Variants in MICAL3 observed in about 807,000 individuals in gnomAD.
MICAL3 encodes the protein microtubule associated monooxygenase, calponin and LIM domain containing 3.
A neutral mutation model predicts 207.4 loss-of-function variants in MICAL3; 62 were observed. The ratio of observed to expected loss-of-function variants is 0.30; its 90% CI spans 0.24 to 0.37. The LOEUF (loss-of-function observed/expected upper bound fraction) is 0.37, where lower values mean the gene tolerates loss of function less well. MICAL3 is among the 10% of genes least tolerant of loss of function. The pLI, the probability that MICAL3 is intolerant of heterozygous loss-of-function variation, is 1.00. For synonymous variants in MICAL3, 1,077 were observed against 1,069.3 expected (o/e 1.01, Z -0.14); for missense variants, 2,368 against 2,635.6 (o/e 0.90, Z 2.22).
At chr22:17,847,071 G>A (rs1400549147) in intron 19 of MICAL3, among the ~76,000 whole-genome samples, 2 of 152,188 alleles carry the variant, frequency 1.3e-5, no homozygotes, top group Non-Finnish European at 2.9e-5. Flanking sequence ...GAGAGGCATC[G>A]GCGGGTGCAG....
chr22:17,826,724 A>G (rs1922227453), intron 22 of MICAL3, among the ~76,000 whole-genome samples: 1 of 152,170 alleles, frequency 6.6e-6, no homozygotes, highest in African/African-American at 2.4e-5. Context: ...GGGAAAACCC[A>G]AGGTAGGGCC....
At chr22:17,897,837 C>T (rs61088897) in intron 7 of MICAL3, among the ~76,000 whole-genome samples, 9,648 of 152,210 alleles carry the variant, frequency 0.063, 433 homozygotes, top group African/African-American at 0.13. Context: ...TTGAAAGCCT[C>T]CACAGAAACC....
At chr22:17,920,588 C>T (rs564358537) in intron 1 of MICAL3, among the ~76,000 whole-genome samples, 67 of 152,344 alleles carry the variant, frequency 4.4e-4, no homozygotes, top group African/African-American at 1.5e-3. Context: ...CCTCCAGTCT[C>T]TCAGCTGCAA....
intron 1 of MICAL3, among the ~76,000 whole-genome samples, chr22:17,990,323 T>C (rs373291877): frequency 2.0e-5 from 3 of 152,128 alleles, no homozygotes; most frequent in Non-Finnish European, 2.9e-5. Flanking sequence ...ACTCACTGGA[T>C]AGTCTGGACC....
chr22:17,879,816 A>T (rs1454631931), intron 16 of MICAL3, among the ~76,000 whole-genome samples: 10 of 152,248 alleles, frequency 6.6e-5, no homozygotes, highest in African/African-American at 2.2e-4. Flanking sequence ...TGGCTAGAAT[A>T]AATGACTAAG....
chr22:17,878,090 T>C (rs892634502), intron 16 of MICAL3, among the ~76,000 whole-genome samples: 7 of 152,194 alleles, frequency 4.6e-5, no homozygotes, highest in Non-Finnish European at 1.0e-4. Context: ...CCTGACCTCG[T>C]GATCTGCCTG....
intron 17 of MICAL3, among the ~76,000 whole-genome samples, chr22:17,866,241 A>C (rs184618581): frequency 6.6e-6 from 1 of 152,342 alleles, no homozygotes; most frequent in African/African-American, 2.4e-5. Flanking sequence ...TCCTTTGGGA[A>C]TGTGAAGGCC....
At chr22:17,842,204 G>A in intron 19 of MICAL3, 187 bp from the exon 20 acceptor site, 1 of 613,456 alleles carries the variant, frequency 1.6e-6, no homozygotes, top group Admixed American at 2.9e-5. Flanking sequence ...CACTCTGCAG[G>A]AGAAAGGAAG....
chr22:17,929,655 C>T (rs1198625811), intron 1 of MICAL3, among the ~76,000 whole-genome samples: 3 of 149,264 alleles, frequency 2.0e-5, no homozygotes, highest in African/African-American at 4.9e-5. Flanking sequence ...GCTACCTCCG[C>T]CTCCCGGGTT....
At chr22:18,010,366 G>C (rs895743955) in intron 1 of MICAL3, among the ~76,000 whole-genome samples, 7 of 152,086 alleles carry the variant, frequency 4.6e-5, no homozygotes, top group Admixed American at 3.3e-4. Context: ...GATGGGCAAG[G>C]CACTTGTCTG....
chr22:17,944,388 A>C (rs1351732557), intron 1 of MICAL3, among the ~76,000 whole-genome samples: 1 of 152,188 alleles, frequency 6.6e-6, no homozygotes. Flanking sequence ...CCAGGAGAGC[A>C]GGGGGTGAAG....
At chr22:17,971,434 C>T (rs1270977059) in intron 1 of MICAL3, among the ~76,000 whole-genome samples, 1 of 151,788 alleles carries the variant, frequency 6.6e-6, no homozygotes, top group Non-Finnish European at 1.5e-5. Context: ...AGTGAGCTAT[C>T]GCACCATTGC....
Position 17,884,143 on chromosome 22 carries a change from C to T in MICAL3, c.2241+1735G>A, listed in dbSNP as rs5992891. ...TCAATGTTTTCCCAGAGCTACTACT[C>T]GAATGAGCAGAGATTTCCTGCCCTC... On this transcript the variant is annotated intron_variant, in intron 16 of 31. Coordinates refer to ENST00000441493, the MANE Select transcript of MICAL3 (RefSeq NM_015241.3). 2,173 of 561,560 alleles carry T rather than the reference C, an allele frequency of 3.9e-3. 27 individuals are homozygous for T. The highest frequency in any genetic ancestry group is 0.032 in the African/African-American group (1,608 of 50,138). The allele number at this position is 561,560 out of a possible 1,614,324, so 34.8% of individuals were successfully genotyped here.
chr22:17,968,329 T>C (rs1366151784), intron 1 of MICAL3, among the ~76,000 whole-genome samples: 1 of 152,004 alleles, frequency 6.6e-6, no homozygotes, highest in East Asian at 1.9e-4. Context: ...AGACCCGCCC[T>C]ACTGAGGGGA....
intron 22 of MICAL3, 103 bp from the exon 23 acceptor site, chr22:17,823,163 T>TG: frequency 1.3e-6 from 1 of 766,058 alleles, no homozygotes; most frequent in Non-Finnish European, 2.2e-6. Context: ...GGCGCTGCCA[T>TG]GCAGGCCCCA....
intron 27 of MICAL3, among the ~76,000 whole-genome samples, chr22:17,811,820 C>T (rs892240673): frequency 3.5e-4 from 54 of 152,324 alleles, no homozygotes; most frequent in African/African-American, 1.3e-3. Context: ...TCATGGCTCA[C>T]TGCAGCTTCA....
intron 23 of MICAL3, among the ~76,000 whole-genome samples, chr22:17,822,386 C>T (rs950487798): frequency 1.3e-5 from 2 of 152,242 alleles, no homozygotes; most frequent in African/African-American, 2.4e-5. Flanking sequence ...AACGCGGGGC[C>T]GCATCAAAGC....
At chr22:17,955,940 G>A (rs1216924281) in intron 1 of MICAL3, among the ~76,000 whole-genome samples, 3 of 152,188 alleles carry the variant, frequency 2.0e-5, no homozygotes, top group Non-Finnish European at 4.4e-5. Flanking sequence ...AGAGATTTTA[G>A]GAATTTCAGA....
intron 1 of MICAL3, among the ~76,000 whole-genome samples, chr22:17,976,527 GTA>G (rs148212209): frequency 1.5e-4 from 19 of 124,798 alleles, no homozygotes; most frequent in African/African-American, 3.8e-4. Context: ...GTATATATGT[GTA>G]TATATATGTG....
Sources: allele counts gnomAD v4.1 joint callset (sites outside exome capture counted in the v4.1 genomes callset), GRCh38; gene constraint gnomAD v4.1.1; transcripts MANE v1.5; gene names NCBI Gene and HGNC (gene_info 2026-07-23, HGNC 2026-07-21).